DSE: variants seen among roughly 807,000 people sequenced by gnomAD.
DSE encodes dermatan sulfate epimerase.
A neutral mutation model predicts 84.4 loss-of-function variants in DSE; 36 were observed. That is an observed-to-expected ratio of 0.43 (90% CI 0.33 to 0.56). The LOEUF is 0.56. Ranked by LOEUF, DSE falls within the 20% of genes least tolerant of loss-of-function variation. The pLI, the probability that DSE is intolerant of heterozygous loss-of-function variation, is 0.06. For missense variants in DSE, 862 were observed against 1,169.6 expected (o/e 0.74, Z 3.84); for synonymous variants, 410 against 430.1 (o/e 0.95, Z 0.58).
intron 2 of DSE, among the ~76,000 whole-genome samples, chr6:116,265,532 G>C (rs1772587076): frequency 6.6e-6 from 1 of 152,094 alleles, no homozygotes; most frequent in African/African-American, 2.4e-5. Flanking sequence ...TGAGCCCAGG[G>C]GAAGCTGCAT....
At chr6:116,395,315 C>T (rs746857245) in intron 1 of DSE, among the ~76,000 whole-genome samples, 28 of 152,168 alleles carry the variant, frequency 1.8e-4, no homozygotes, top group Non-Finnish European at 3.1e-4. Context: ...GTCCCAGCTA[C>T]TGGGGAGGCT....
chr6:116,279,071 C>A, intron 2 of DSE: 1 of 1,613,358 alleles, frequency 6.2e-7, no homozygotes, highest in Non-Finnish European at 8.5e-7. Flanking sequence ...AACTTGTGCT[C>A]CAGCTGTTGG....
exon 2 of DSE, chr6:116,258,957 T>C (rs770667112): frequency 1.1e-5 from 17 of 1,509,258 alleles, no homozygotes; most frequent in Admixed American, 1.7e-5. Context: ...CATACCACCC[T>C]GCACTGTGAG....
intron 1 of DSE, among the ~76,000 whole-genome samples, chr6:116,374,776 G>A (rs906504653): frequency 2.6e-5 from 4 of 152,078 alleles, no homozygotes; most frequent in South Asian, 4.2e-4. Flanking sequence ...TCTCATTCCC[G>A]TGATTACCCA....
rs114024193 is a variant in DSE, at chr6:116,339,186, C to T, written c.-53-60012C>T. ...CCATGTGTCCTGATCTTTTCATCTC[C>T]CATAGCTGATGTGGCTACTCTATGC... is the stretch of plus-strand genomic sequence containing the variant. On this transcript the variant is annotated intron_variant, in intron 2 of 3. Transcript: ENST00000430252. Among the ~76,000 whole-genome samples, 976 of 152,262 alleles carry T rather than the reference C, an allele frequency of 6.4e-3. 9 individuals are homozygous for T. The highest frequency in any genetic ancestry group is 0.022 in the African/African-American group (928 of 41,544).
chr6:116,299,256 G>A (rs1488392379), intron 2 of DSE, among the ~76,000 whole-genome samples: 1 of 151,834 alleles, frequency 6.6e-6, no homozygotes, highest in Non-Finnish European at 1.5e-5. Context: ...GAGAAACAGA[G>A]GGAAATTTGT....
chr6:116,433,413 G>C lies in DSE; in HGVS notation c.981G>C (p.Val327=), dbSNP rs951430479. 2 of 1,551,732 alleles carry C rather than the reference G, an allele frequency of 1.3e-6. No homozygotes were observed. ...NWFYGPESQL[V]FLDKFVMRNG... is the part of the protein sequence containing the mutation. Reference sequence around the variant, plus strand: ...TTTATGGTCCAGAAAGCCAATTAGTGTTCCTTGATAAATTTGTCATGCGTA... The same window carrying C: ...TTTATGGTCCAGAAAGCCAATTAGTCTTCCTTGATAAATTTGTCATGCGTA... Residue 327 remains valine (V), a synonymous_variant, in exon 5 of 6, where the codon GTG becomes GTC. Coordinates refer to ENST00000644252, the MANE Select transcript of DSE (RefSeq NM_013352.4).
At chr6:116,334,101 ATT>A (rs1012108851) in intron 2 of DSE, among the ~76,000 whole-genome samples, 5 of 152,156 alleles carry the variant, frequency 3.3e-5, no homozygotes, top group African/African-American at 1.2e-4. Flanking sequence ...CTATTTACAC[ATT>A]TGTTTCCCAC....
At chr6:116,420,477 A>G (rs775347582) in intron 2 of DSE, among the ~76,000 whole-genome samples, 1 of 152,210 alleles carries the variant, frequency 6.6e-6, no homozygotes, top group Non-Finnish European at 1.5e-5. Flanking sequence ...CATCTAGGAC[A>G]GGCCAGGTGA....
intron 2 of DSE, among the ~76,000 whole-genome samples, chr6:116,410,028 C>T (rs772191226): frequency 1.3e-5 from 2 of 152,146 alleles, no homozygotes; most frequent in Non-Finnish European, 2.9e-5. Context: ...GCTGCCAGGC[C>T]TTGTCTACTA....
At chr6:116,295,452 C>T (rs1439213509) in intron 2 of DSE, among the ~76,000 whole-genome samples, 1 of 152,084 alleles carries the variant, frequency 6.6e-6, no homozygotes, top group Non-Finnish European at 1.5e-5. Context: ...TCCTTCCAAA[C>T]ATTTTTTAAT....
At chr6:116,369,698 C>A, upstream of DSE, 1 of 315,342 alleles carries the variant, frequency 3.2e-6, no homozygotes, top group Non-Finnish European at 6.3e-6. Flanking sequence ...CCTGAGTGAA[C>A]ATTTAAAAAA....
intron 2 of DSE, among the ~76,000 whole-genome samples, chr6:116,344,589 A>G (rs1305969705): frequency 1.3e-5 from 2 of 152,180 alleles, no homozygotes; most frequent in African/African-American, 4.8e-5. Flanking sequence ...ATGCTGAGAG[A>G]TTTTGTCACC....
Position 116,437,601 on chromosome 6 carries a change from T to C in DSE, c.*256T>C. The stretch of plus-strand genomic sequence containing the variant: ...GGCATTGCTAATTGAGCAGTCCATA[T>C]AGTACTACTTTTAGAAGAAACAAAA... On this transcript the variant is annotated 3_prime_UTR_variant, in exon 6 of 6. Transcript: ENST00000644252. 3.2e-6 allele frequency: 1 copy of C among 316,724 alleles called. No individual in the cohort carries two copies. Among genetic ancestry groups the C allele is most frequent in the Non-Finnish European group, 5.7e-6 (1 of 175,594 alleles). 19.6% of individuals were successfully genotyped at this position (316,724 alleles called of 1,614,324 possible).
intron 2 of DSE, among the ~76,000 whole-genome samples, chr6:116,417,154 C>T (rs987641369): frequency 6.6e-6 from 1 of 152,258 alleles, no homozygotes; most frequent in Non-Finnish European, 1.5e-5. Context: ...TTTTACTTAT[C>T]ATGTTTCTTC....
At position 116,442,147 on chromosome 6, in the gene DSE, G is replaced by A. The variant is rs1487668012; in HGVS notation, c.*4802G>A. On this transcript the variant is annotated 3_prime_UTR_variant, in exon 6 of 6. Transcript: ENST00000644252. ...AGAGAGGAGCATTCCAGATAGAACA[G>A]CAGTTCGAAGGCCCTGAGCTCAGTA... The A allele has an allele frequency of 6.6e-6, 1 of 152,280 alleles. No individual in the cohort carries two copies. The highest frequency in any genetic ancestry group is 1.5e-5 in the Non-Finnish European group (1 of 68,094). 9.4% of individuals were successfully genotyped at this position (152,280 alleles called of 1,614,324 possible). A position where few individuals can be genotyped will look rare whatever the true frequency, so the allele number is the denominator to read the frequency against.
At chr6:116,278,263 A>G in intron 2 of DSE, 1 of 492,966 alleles carries the variant, frequency 2.0e-6, no homozygotes, top group East Asian at 3.9e-5. Flanking sequence ...TGCTTGGCTT[A>G]CAAGTAGTGT....
chr6:116,279,901 C>T (rs978954023), intron 2 of DSE: 7 of 1,597,328 alleles, frequency 4.4e-6, no homozygotes, highest in Non-Finnish European at 6.0e-6. Flanking sequence ...AGCTAACCGC[C>T]GCTCGCACCG....
In DSE at chr6:116,435,843, AC is replaced by A; in HGVS notation, c.1376del (p.Thr459IlefsTer26). ...TGAACATCCTGATCAAAACTCATTTACTTTTGCTCCCAATGGTGTGCCTTTC... is the reference window on the plus strand; with the variant it reads ...TGAACATCCTGATCAAAACTCATTTATTTTGCTCCCAATGGTGTGCCTTTC... ...GHEHPDQNSF[T>X]FAPNGVPFIT... On this transcript the variant is annotated frameshift_variant, in exon 6 of 6. Coordinates refer to ENST00000644252, the MANE Select transcript of DSE (RefSeq NM_013352.4). LOFTEE classifies it high-confidence loss of function. 1 of 1,614,216 alleles carries A rather than the reference AC, an allele frequency of 6.2e-7. No individual in the cohort carries two copies. Among genetic ancestry groups the A allele is most frequent in the Non-Finnish European group, 8.5e-7 (1 of 1,180,022 alleles).
Sources: allele counts gnomAD v4.1 joint callset (sites outside exome capture counted in the v4.1 genomes callset), GRCh38; gene constraint gnomAD v4.1.1; transcripts MANE v1.5; gene names NCBI Gene and HGNC (gene_info 2026-07-23, HGNC 2026-07-21).